The following SLC45A4 variants were observed in gnomAD, a reference collection of about 807,000 sequenced individuals.
SLC45A4 encodes polyamine-transporter SLC45A4.
In SLC45A4, 32 loss-of-function variants were observed where a neutral mutation model predicts 63.7. The observed-to-expected ratio is 0.50, with a 90% confidence interval of 0.38 to 0.67. The LOEUF (loss-of-function observed/expected upper bound fraction) is 0.67, where lower values mean the gene tolerates loss of function less well. Among genes scored for constraint, SLC45A4 ranks in the 30% least tolerant of loss-of-function variants. The probability of loss-of-function intolerance (pLI) is 0.00; values close to 1 mark genes in which losing one functional copy is unlikely to be tolerated. For synonymous variants in SLC45A4, 535 were observed against 510.0 expected, an observed-to-expected ratio of 1.05 and a Z score of -0.66; for missense variants, 1,027 against 1,157.7, an observed-to-expected ratio of 0.89 and a Z score of 1.64.
chr8:141,244,764 C>T (rs1031658679), intron 2 of SLC45A4, among the ~76,000 whole-genome samples: 1 of 152,092 alleles, frequency 6.6e-6, no homozygotes, highest in Non-Finnish European at 1.5e-5. Flanking sequence ...ATGTGACAGA[C>T]CCTGGAGTTG....
chr8:141,211,855 TATAA>T (rs1569557802), intron 8 of SLC45A4, 158 bp from the exon 9 acceptor site: 2 of 1,288,308 alleles, frequency 1.6e-6, no homozygotes, highest in African/African-American at 1.5e-5. Context: ...TTATTGTCTA[TATAA>T]ATGTTTTATA....
At chr8:141,238,088 C>T (rs529918359) in intron 2 of SLC45A4, among the ~76,000 whole-genome samples, 12 of 152,196 alleles carry the variant, frequency 7.9e-5, no homozygotes, top group African/African-American at 2.4e-4. Context: ...CTCTAGTGTG[C>T]GGTTAGCTGG....
rs941974029 is a variant in SLC45A4 at position 141,256,022 on chromosome 8, C to G, written c.-400-1393G>C. 6.6e-6 allele frequency among the ~76,000 whole-genome samples: 1 copy of G among 152,172 alleles called. No individual in the cohort carries two copies. The highest frequency in any genetic ancestry group is 1.5e-5 in the Non-Finnish European group (1 of 68,030). ...TCCCAGGGTCTACGGAACCCTATCA[C>G]CCCAACCCTCGGCTTTCCACCACCC... is the stretch of plus-strand genomic sequence containing the variant. On this transcript the variant is annotated intron_variant, in intron 1 of 8. Transcript: ENST00000517878. The surrounding 1 kb of genome is among the most constrained non-coding windows in gnomAD (Gnocchi z 4.3).
intron 1 of SLC45A4, among the ~76,000 whole-genome samples, chr8:141,303,309 T>G (rs567009272): frequency 2.8e-4 from 42 of 150,816 alleles, no homozygotes; most frequent in Admixed American, 2.1e-3. Context: ...TTTTTGTTTT[T>G]TTTTTTTTTT....
chr8:141,210,486 C>A lies in SLC45A4; in HGVS notation c.*1086G>T, dbSNP rs1311196166. ...ACCGTGGCCTGGCAGACACACCGTG[C>A]GTGAGCAGGTACCCAACTGCCACCC... On this transcript the variant is annotated 3_prime_UTR_variant, in exon 9 of 9. Coordinates refer to ENST00000517878, the MANE Select transcript of SLC45A4 (RefSeq NM_001286646.2). The A allele has an allele frequency of 6.6e-6, 1 of 152,232 alleles. No homozygotes were observed. Among genetic ancestry groups the A allele is most frequent in the South Asian group, 2.1e-4 (1 of 4,830 alleles). The allele number at this position is 152,232 out of a possible 1,614,324, so 9.4% of individuals were successfully genotyped here.
In SLC45A4 at chr8:141,218,000, C is replaced by G. The variant is rs1302157499; in HGVS notation, c.1629+11G>C. ...GAGAGAGCGGCCCCGCTCCGGTGGC[C>G]GAGCACTCACCTTGGGGTCGCCTTC... On this transcript the variant is annotated intron_variant, in intron 5 of 8. Transcript: ENST00000517878. 6.3e-7 allele frequency: 1 copy of G among 1,579,590 alleles called. No individual in the cohort carries two copies. Among genetic ancestry groups the G allele is most frequent in the Admixed American group, 1.7e-5 (1 of 57,364 alleles).
intron 1 of SLC45A4, among the ~76,000 whole-genome samples, chr8:141,306,640 TG>T (rs1417527147): frequency 8.5e-4 from 130 of 152,372 alleles, no homozygotes; most frequent in African/African-American, 3.1e-3. Flanking sequence ...TCCAGCTTTT[TG>T]TTTTCTTATT....
At position 141,212,431 on chromosome 8, in the gene SLC45A4, C is replaced by G; in HGVS notation, c.2067G>C (p.Val689=). 6.2e-7 allele frequency: 1 copy of G among 1,613,768 alleles called. No homozygotes were observed. Among genetic ancestry groups the G allele is most frequent in the Non-Finnish European group, 8.5e-7 (1 of 1,180,024 alleles). The change falls in exon 8 of 9, where the codon GTG becomes GTC. Residue 689 remains valine, a synonymous_variant. Coordinates refer to ENST00000517878, the MANE Select transcript of SLC45A4 (RefSeq NM_001286646.2). ...CCATGGGGATGACGCGGACAGTCCC[C>G]ACGGCGTCGACCACGCCCCCAAGGG... The part of the protein sequence containing the change: ...ASALGGVVDA[V]GTVRVIPMVA...
At chr8:141,232,805 C>T (rs12680657) in intron 2 of SLC45A4, among the ~76,000 whole-genome samples, 12,913 of 152,238 alleles carry the variant, frequency 0.085, 659 homozygotes, top group East Asian at 0.24. Context: ...CCCAGGTGAG[C>T]GCTCGCGAGC....
intron 1 of SLC45A4, among the ~76,000 whole-genome samples, chr8:141,269,312 G>C (rs1269136971): frequency 6.6e-6 from 1 of 152,228 alleles, no homozygotes; most frequent in Non-Finnish European, 1.5e-5. Flanking sequence ...CCACAAGTCA[G>C]GGCACTTCAG....
In SLC45A4 at chr8:141,218,475, AGC is replaced by A. The variant is rs1258769918; in HGVS notation, c.1163_1164del (p.Gly388ValfsTer98). ...LNEAKVPNGS[G>X]SPTKDALGGY... ...CCGCCGAGGGCGTCTTTTGTGGGGG[AGC>A]CACTTCCGTTTGGGACTTTAGCTTC... On this transcript the variant is annotated frameshift_variant, in exon 5 of 9. Coordinates refer to ENST00000517878, the MANE Select transcript of SLC45A4 (RefSeq NM_001286646.2). LOFTEE classifies it high-confidence loss of function. 6.2e-7 allele frequency: 1 copy of A among 1,612,874 alleles called. No individual in the cohort carries two copies.
intron 1 of SLC45A4, among the ~76,000 whole-genome samples, chr8:141,273,110 A>G (rs1393906704): frequency 6.6e-6 from 1 of 152,252 alleles, no homozygotes; most frequent in East Asian, 1.9e-4. Flanking sequence ...ACAAGGACAC[A>G]CTGCCCCCAA....
chr8:141,234,618 C>T (rs1443320450), intron 2 of SLC45A4, among the ~76,000 whole-genome samples: 1 of 152,222 alleles, frequency 6.6e-6, no homozygotes, highest in African/African-American at 2.4e-5. Context: ...CTTGAACCTA[C>T]CCCAGGTCCT....
intron 2 of SLC45A4, among the ~76,000 whole-genome samples, chr8:141,249,537 C>T (rs540147025): frequency 6.6e-6 from 1 of 152,152 alleles, no homozygotes; most frequent in Non-Finnish European, 1.5e-5. Flanking sequence ...CAGAGGCAGG[C>T]TGGTGGTGGC....
intron 5 of SLC45A4, 88 bp from the exon 6 acceptor site, chr8:141,217,277 G>C (rs1477358981): frequency 3.6e-6 from 5 of 1,379,834 alleles, no homozygotes; most frequent in Non-Finnish European, 5.0e-6. Context: ...CTGCTGGCCG[G>C]CTGCTCATTC....
chr8:141,217,269 G>GCTGGC, intron 5 of SLC45A4, 80 bp from the exon 6 acceptor site: 1 of 1,403,636 alleles, frequency 7.1e-7, no homozygotes, highest in Non-Finnish European at 9.9e-7. Context: ...CATGGGAACT[G>GCTGGC]CTGGCCGGCT....
intron 2 of SLC45A4, among the ~76,000 whole-genome samples, chr8:141,250,557 TTA>T (rs1455799303): frequency 1.3e-5 from 2 of 152,168 alleles, no homozygotes; most frequent in Non-Finnish European, 2.9e-5. Context: ...AGCTAATTTT[TTA>T]TTTTTTGTAG....
chr8:141,261,256 A>C (rs1364035808), intron 1 of SLC45A4, among the ~76,000 whole-genome samples: 1 of 152,246 alleles, frequency 6.6e-6, no homozygotes, highest in African/African-American at 2.4e-5. Flanking sequence ...ACAGACCCAC[A>C]GCCAATATCA....
intron 2 of SLC45A4, among the ~76,000 whole-genome samples, chr8:141,233,972 T>C (rs974319711): frequency 1.3e-5 from 2 of 152,222 alleles, no homozygotes; most frequent in Non-Finnish European, 2.9e-5. Flanking sequence ...TACCATCTAC[T>C]AGCTCTGTTG....
Sources: gnomAD v4.1 joint callset for allele counts (sites outside exome capture counted in the v4.1 genomes callset) on GRCh38, gnomAD v4.1.1 for gene constraint, Gnocchi (gnomAD v3.1) non-coding constraint, MANE v1.5 for transcripts, NCBI Gene and HGNC (gene_info 2026-07-23, HGNC 2026-07-21) for gene names.